The following SLC12A7 variants were observed in gnomAD, a reference collection of about 807,000 sequenced individuals.
SLC12A7 encodes the protein K-Cl cotransporter 4.
SLC12A7 carries 100 observed loss-of-function variants against 120.6 expected under a neutral mutation model. The ratio of observed to expected loss-of-function variants is 0.83; its 90% CI spans 0.71 to 0.98. SLC12A7 has a LOEUF of 0.98. Ranked by LOEUF, SLC12A7 falls within the 50% of genes least tolerant of loss-of-function variation. The pLI, the probability that SLC12A7 is intolerant of heterozygous loss-of-function variation, is 0.00. For missense variants in SLC12A7, 1,373 were observed against 1,548.1 expected (o/e 0.89, Z 1.90); for synonymous variants, 760 against 678.0 (o/e 1.12, Z -1.88).
upstream of SLC12A7, among the ~76,000 whole-genome samples, chr5:1,114,603 C>T (rs1453544136): frequency 6.6e-6 from 1 of 152,164 alleles, no homozygotes; most frequent in African/African-American, 2.4e-5. Context: ...CTTTTCTGTA[C>T]CCGGCACCTG....
chr5:1,111,883 C>T lies in SLC12A7; in HGVS notation c.109G>A (p.Glu37Lys), dbSNP rs967813376. ...APGTPEGPEP[E>K]RPSPGDGNPR... Reference sequence around the variant, plus strand: ...CCGCGCTCACCCGGGCTGGGGCGCTCGGGCTCGGGGCCCTCGGGGGTGCCC... The same window carrying T: ...CCGCGCTCACCCGGGCTGGGGCGCTTGGGCTCGGGGCCCTCGGGGGTGCCC... Residue 37 changes from glutamate (E) to lysine (K), a missense_variant, in exon 1 of 24, where the codon GAG becomes AAG. By Grantham distance (56) the Glu-to-Lys change is moderately conservative. Coordinates refer to ENST00000264930, the MANE Select transcript of SLC12A7 (RefSeq NM_006598.3). 4 of 1,221,788 alleles carry T rather than the reference C, an allele frequency of 3.3e-6. No individual in the cohort carries two copies. The highest frequency in any genetic ancestry group is 4.1e-6 in the Non-Finnish European group (4 of 980,602). 75.7% of individuals were successfully genotyped at this position (1,221,788 alleles called of 1,614,324 possible). A position where few individuals can be genotyped will look rare whatever the true frequency, so the allele number is the denominator to read the frequency against.
the SLC12A7 span, among the ~76,000 whole-genome samples, chr5:1,137,859 G>A: frequency 2.0e-5 from 3 of 152,246 alleles, no homozygotes; most frequent in Admixed American, 6.5e-5. Flanking sequence ...GGGGCCTGGC[G>A]CACTGTGAGG....
At chr5:1,154,693 T>C in the SLC12A7 span, among the ~76,000 whole-genome samples, 2 of 152,142 alleles carry the variant, frequency 1.3e-5, no homozygotes, top group Non-Finnish European at 2.9e-5. Context: ...ATGTGTGACA[T>C]ACATGAACAG....
chr5:1,133,930 T>C, the SLC12A7 span, among the ~76,000 whole-genome samples: 11,147 of 152,126 alleles, frequency 0.073, 678 homozygotes, highest in African/African-American at 0.16. Flanking sequence ...AACCGCTGCA[T>C]GGCCTTCCTC....
chr5:1,152,365 C>A, the SLC12A7 span, among the ~76,000 whole-genome samples: 1 of 152,256 alleles, frequency 6.6e-6, no homozygotes, highest in Non-Finnish European at 1.5e-5. Context: ...CTGCTCCCTG[C>A]TGAGCAGGAA....
chr5:1,131,129 G>A, the SLC12A7 span, among the ~76,000 whole-genome samples: 1 of 152,148 alleles, frequency 6.6e-6, no homozygotes, highest in Non-Finnish European at 1.5e-5. Flanking sequence ...GCCTGTATTC[G>A]CAGGGACACA....
In SLC12A7 at chr5:1,051,179, G is replaced by GCTAT. The variant is rs1187375963; in HGVS notation, c.*1177_*1180dup. 3 of 375,352 alleles carry GCTAT rather than the reference G, an allele frequency of 8.0e-6. No homozygotes were observed. Among genetic ancestry groups the GCTAT allele is most frequent in the South Asian group, 1.5e-4 (1 of 6,778 alleles). 23.3% of individuals were successfully genotyped at this position (375,352 alleles called of 1,614,324 possible). A position where few individuals can be genotyped will look rare whatever the true frequency, so the allele number is the denominator to read the frequency against. ...AGTGCAAAGTGTTGGGCCCTTGAAA[G>GCTAT]CTATCTCTTCAGTGCCACCGCCGCC... On this transcript the variant is annotated 3_prime_UTR_variant, in exon 24 of 24. Coordinates refer to ENST00000264930, the MANE Select transcript of SLC12A7 (RefSeq NM_006598.3).
At chr5:1,108,448 G>A (rs1742731150) in intron 1 of SLC12A7, among the ~76,000 whole-genome samples, 1 of 152,198 alleles carries the variant, frequency 6.6e-6, no homozygotes, top group African/African-American at 2.4e-5. Context: ...TTCCCGCAAC[G>A]CAGTGCCCAG....
At chr5:1,056,210 G>A (rs1011557245) in intron 22 of SLC12A7, among the ~76,000 whole-genome samples, 2 of 152,208 alleles carry the variant, frequency 1.3e-5, no homozygotes, top group Non-Finnish European at 2.9e-5. Flanking sequence ...GTGGGAACGC[G>A]ACTCAGCTAG....
intron 1 of SLC12A7, among the ~76,000 whole-genome samples, chr5:1,095,438 C>A (rs984093942): frequency 6.6e-6 from 1 of 152,202 alleles, no homozygotes; most frequent in Non-Finnish European, 1.5e-5. Flanking sequence ...CCATAGCCAC[C>A]CACGCACCCC....
intron 22 of SLC12A7, among the ~76,000 whole-genome samples, chr5:1,055,858 GCA>G (rs1443943339): frequency 2.0e-5 from 3 of 152,210 alleles, no homozygotes; most frequent in African/African-American, 4.8e-5. Context: ...GCACATAGCT[GCA>G]CAGTTTCTTG....
intron 22 of SLC12A7, among the ~76,000 whole-genome samples, chr5:1,053,844 C>T (rs1462849714): frequency 6.6e-6 from 1 of 152,230 alleles, no homozygotes; most frequent in Non-Finnish European, 1.5e-5. Context: ...CTGGGTGGCC[C>T]ATGTGCCTGA....
chr5:1,098,019 C>T (rs1309676587), intron 1 of SLC12A7, among the ~76,000 whole-genome samples: 2 of 151,946 alleles, frequency 1.3e-5, no homozygotes, highest in African/African-American at 2.4e-5. Flanking sequence ...GGCTCAATGC[C>T]ATCCCAGTCA....
intron 3 of SLC12A7, among the ~76,000 whole-genome samples, chr5:1,090,720 C>A (rs1010179495): frequency 3.3e-5 from 5 of 152,324 alleles, no homozygotes; most frequent in South Asian, 2.1e-4. Context: ...AGCCTCAAAT[C>A]CCGCAGCCCC....
chr5:1,053,608 G>C, intron 22 of SLC12A7, 126 bp from the exon 23 acceptor site: 1 of 1,264,406 alleles, frequency 7.9e-7, no homozygotes, highest in Non-Finnish European at 1.1e-6. Flanking sequence ...TCAGGATCAG[G>C]CGGATTCTCT....
intron 2 of SLC12A7, 66 bp from the exon 3 acceptor site, chr5:1,093,721 C>G: frequency 6.3e-7 from 1 of 1,598,278 alleles, no homozygotes; most frequent in Non-Finnish European, 8.5e-7. Context: ...CCTCCCTCCC[C>G]GTGTTCAGGG....
At position 1,051,948 on chromosome 5, in the gene SLC12A7, T is replaced by G. The variant is rs748465557; in HGVS notation, c.*412A>C. ...TTTCACCTTCATCATCAGGGACAGCTTCAGCTCCGGGTGCTCTTCCAAGAA... is the reference window on the plus strand; with the variant it reads ...TTTCACCTTCATCATCAGGGACAGCGTCAGCTCCGGGTGCTCTTCCAAGAA... On this transcript the variant is annotated 3_prime_UTR_variant, in exon 24 of 24. Transcript: ENST00000264930. The G allele has an allele frequency of 2.0e-5, 4 of 199,936 alleles. No homozygotes were observed. Among genetic ancestry groups the G allele is most frequent in the Non-Finnish European group, 3.0e-5 (3 of 99,046 alleles). The allele number at this position is 199,936 out of a possible 1,614,324, so 12.4% of individuals were successfully genotyped here.
Position 1,060,786 on chromosome 5 carries a change from G to T in SLC12A7, c.2740-335C>A, listed in dbSNP as rs114172002. On this transcript the variant is annotated intron_variant, in intron 20 of 23. Transcript: ENST00000264930. ...GAGGCACTGCCCCATGGGGCTGCAT[G>T]ATCCACGCTCACAGGTGTCATTGTC... Among the ~76,000 whole-genome samples the T allele has an allele frequency of 4.4e-3, 670 of 152,314 alleles. 6 individuals are homozygous for T. The highest frequency in any genetic ancestry group is 0.015 in the African/African-American group (642 of 41,562).
the SLC12A7 span, among the ~76,000 whole-genome samples, chr5:1,140,129 C>T: frequency 6.6e-6 from 1 of 152,236 alleles, no homozygotes; most frequent in Non-Finnish European, 1.5e-5. Context: ...GCCGTCCTGC[C>T]CTCAGAAGGC....
Sources: gnomAD v4.1 joint callset for allele counts (sites outside exome capture counted in the v4.1 genomes callset) on GRCh38, gnomAD v4.1.1 for gene constraint, MANE v1.5 for transcripts, NCBI Gene and HGNC (gene_info 2026-07-23, HGNC 2026-07-21) for gene names.